Variants in ATP1A2 observed in about 807,000 individuals in gnomAD.
ATP1A2 encodes sodium/potassium-transporting ATPase subunit alpha-2.
A neutral mutation model predicts 113.1 loss-of-function variants in ATP1A2; 56 were observed. That is an observed-to-expected ratio of 0.49 (90% CI 0.40 to 0.62). The LOEUF is 0.62. Ranked by LOEUF, ATP1A2 falls within the 20% of genes least tolerant of loss-of-function variation. ATP1A2 has a pLI of 0.00. For synonymous variants in ATP1A2, 490 were observed against 526.8 expected (o/e 0.93, Z 0.96); for missense variants, 712 against 1,357.8 (o/e 0.52, Z 7.47).
chr1:160,135,396 AG>A lies in ATP1A2; in HGVS notation c.2116-34del, dbSNP rs1298538579. 6.2e-6 allele frequency: 10 copies of A among 1,614,020 alleles called. No homozygotes were observed. Among genetic ancestry groups the A allele is most frequent in the Non-Finnish European group, 8.5e-7 (1 of 1,180,022 alleles). ...GAGAGGCGAGGAGCCAGGCTTGGGA[AG>A]GGGTTTCGTCCTCAAGTGTGGCCGT... On this transcript the variant is annotated intron_variant, in intron 15 of 22. Transcript: ENST00000361216. This position sits in a 1 kb window ranked among gnomAD's most constrained non-coding sequence, Gnocchi z 6.3.
chr1:160,130,105 T>C lies in ATP1A2; in HGVS notation c.1465T>C (p.Ser489Pro). Residue 489 changes from serine to proline, a missense_variant, in exon 12 of 23, where the codon TCT becomes CCT. Physicochemically the swap from Ser to Pro is moderately conservative, Grantham distance 74. Coordinates refer to ENST00000361216, the MANE Select transcript of ATP1A2 (RefSeq NM_000702.4). The part of the protein sequence containing the change: ...PFNSTNKYQL[S>P]IHEREDSPQS... ...TAACTACCTGTTGTCTCTCCAGCTG[T>C]CTATCCACGAGCGAGAAGACAGCCC... 1 of 1,614,158 alleles carries C rather than the reference T, an allele frequency of 6.2e-7. No individual in the cohort carries two copies. The highest frequency in any genetic ancestry group is 8.5e-7 in the Non-Finnish European group (1 of 1,180,032).
chr1:160,128,588 G>A (rs749998749), intron 8 of ATP1A2, 64 bp from the exon 9 acceptor site: 1 of 1,611,682 alleles, frequency 6.2e-7, no homozygotes, highest in South Asian at 1.1e-5. Flanking sequence ...CACGGTCTAG[G>A]GTAAGGTTAT....
chr1:160,130,113 C>T lies in ATP1A2; in HGVS notation c.1473C>T (p.His491=), dbSNP rs768902765. 8.7e-6 allele frequency: 14 copies of T among 1,614,082 alleles called. No homozygotes were observed. The highest frequency in any genetic ancestry group is 3.3e-5 in the South Asian group (3 of 91,094). Residue 491 remains histidine, a synonymous_variant, in exon 12 of 23, where the codon CAC becomes CAT. Coordinates refer to ENST00000361216, the MANE Select transcript of ATP1A2 (RefSeq NM_000702.4). Reference sequence around the variant, plus strand: ...TGTTGTCTCTCCAGCTGTCTATCCACGAGCGAGAAGACAGCCCCCAGAGCC... The same window carrying T: ...TGTTGTCTCTCCAGCTGTCTATCCATGAGCGAGAAGACAGCCCCCAGAGCC... ...NSTNKYQLSI[H]EREDSPQSHV...
At chr1:160,130,347 C>T in intron 12 of ATP1A2, 56 bp downstream of exon 12, 1 of 1,614,096 alleles carries the variant, frequency 6.2e-7, no homozygotes, top group South Asian at 1.1e-5. Flanking sequence ...CTGCGGCATC[C>T]CTGGGGTGGG....
intron 7 of ATP1A2, 125 bp downstream of exon 7, chr1:160,125,378 G>T: frequency 1.1e-6 from 1 of 883,742 alleles, no homozygotes. Context: ...GAGGGGTCAG[G>T]GGGCCCTGAA....
rs748066442 is a variant in ATP1A2, at chr1:160,121,233, C to A, written c.159C>A (p.Tyr53Ter). The change falls in exon 3 of 23, where the codon TAC becomes TAA. Residue 53 changes from tyrosine (Y) to a stop codon, truncating the protein, a stop_gained. Coordinates refer to ENST00000361216, the MANE Select transcript of ATP1A2 (RefSeq NM_000702.4). LOFTEE classifies it high-confidence loss of function. ...CCTTGGATGAGCTGGGCCGCAAATA[C>A]CAAGTGGACCTGTCCAAGGTGAGTG... ...KLSLDELGRK[Y>*]QVDLSKGLTN... The A allele has an allele frequency of 1.2e-6, 2 of 1,614,096 alleles. No homozygotes were observed. The highest frequency in any genetic ancestry group is 1.7e-6 in the Non-Finnish European group (2 of 1,180,046).
At chr1:160,120,249 A>G (rs574754570) in intron 1 of ATP1A2, among the ~76,000 whole-genome samples, 1 of 152,018 alleles carries the variant, frequency 6.6e-6, no homozygotes, top group Non-Finnish European at 1.5e-5. Context: ...GAGGGCTCCC[A>G]GCACACCCCA....
rs748066442 is a variant in ATP1A2 at position 160,121,233 on chromosome 1, C to T, written c.159C>T (p.Tyr53=). ...KLSLDELGRK[Y]QVDLSKGLTN... ...CCTTGGATGAGCTGGGCCGCAAATACCAAGTGGACCTGTCCAAGGTGAGTG... is the reference window on the plus strand; with the variant it reads ...CCTTGGATGAGCTGGGCCGCAAATATCAAGTGGACCTGTCCAAGGTGAGTG... Residue 53 remains tyrosine (Y), a synonymous_variant, in exon 3 of 23, where the codon TAC becomes TAT. Transcript: ENST00000361216. 9 of 1,614,096 alleles carry T rather than the reference C, an allele frequency of 5.6e-6. No individual in the cohort carries two copies. The Admixed American group carries it at 8.3e-5, about 15-fold the overall frequency.
At chr1:160,139,422 C>T (rs115577668) in intron 20 of ATP1A2, among the ~76,000 whole-genome samples, 68 of 152,296 alleles carry the variant, frequency 4.5e-4, no homozygotes, top group African/African-American at 1.5e-3. Flanking sequence ...AATGAATATA[C>T]GTGCAATAGA....
chr1:160,123,470 A>G, intron 4 of ATP1A2, 54 bp downstream of exon 4: 1 of 1,609,024 alleles, frequency 6.2e-7, no homozygotes, highest in Non-Finnish European at 8.5e-7. Context: ...CCAACCCTGA[A>G]CCCCCAACAC....
In ATP1A2 at chr1:160,136,379, A is replaced by G. The variant is rs2101995933; in HGVS notation, c.2563+9A>G. 1 of 1,614,058 alleles carries G rather than the reference A, an allele frequency of 6.2e-7. No homozygotes were observed. The highest frequency in any genetic ancestry group is 8.5e-7 in the Non-Finnish European group (1 of 1,180,038). On this transcript the variant is annotated intron_variant, in intron 18 of 22. Coordinates refer to ENST00000361216, the MANE Select transcript of ATP1A2 (RefSeq NM_000702.4). ...GGCCTACGGACAGATCGGTGCGCCA[A>G]GCCCCGGGCCTCGGGAGGGAACCCC...
At chr1:160,122,426 A>AAG (rs1651443184) in intron 3 of ATP1A2, among the ~76,000 whole-genome samples, 1 of 151,940 alleles carries the variant, frequency 6.6e-6, no homozygotes, top group South Asian at 2.1e-4. Context: ...GAATGAAAAA[A>AAG]AAAAAAAAAG....
chr1:160,139,739 C>T lies in ATP1A2; in HGVS notation c.2940C>T (p.Leu980=). Residue 980 remains leucine (L), a splice_region_variant and synonymous_variant, in exon 21 of 23, where the codon CTC becomes CTT. Transcript: ENST00000361216. The part of the protein sequence containing the change: ...GMGVALRMYP[L]KVTWWFCAFP... ...GTGTAGCCCTCCGCATGTACCCGCT[C>T]AAGTGAGTGTCTCTTTCGGGCGGCC... 1 of 1,614,174 alleles carries T rather than the reference C, an allele frequency of 6.2e-7. No individual in the cohort carries two copies. Among genetic ancestry groups the T allele is most frequent in the Non-Finnish European group, 8.5e-7 (1 of 1,179,992 alleles).
At chr1:160,132,426 G>A (rs1406507516) in intron 13 of ATP1A2, among the ~76,000 whole-genome samples, 5 of 152,150 alleles carry the variant, frequency 3.3e-5, no homozygotes, top group Non-Finnish European at 2.9e-5. Context: ...CTGGAGTCAG[G>A]GAGAGACAGG....
At position 160,135,097 on chromosome 1, in the gene ATP1A2, G is replaced by A. The variant is rs1237556591; in HGVS notation, c.1965-48G>A. On this transcript the variant is annotated intron_variant, in intron 14 of 22. Transcript: ENST00000361216. The surrounding 1 kb of genome is among the most constrained non-coding windows in gnomAD (Gnocchi z 6.3). ...AGAGAGGCAGGGGGCAGGAGGGGCTGGTACAGGTGCCAGGGGTCAGCTGTC... is the reference window on the plus strand; with the variant it reads ...AGAGAGGCAGGGGGCAGGAGGGGCTAGTACAGGTGCCAGGGGTCAGCTGTC... 10 of 1,612,548 alleles carry A rather than the reference G, an allele frequency of 6.2e-6. No homozygotes were observed. The Middle Eastern group carries it at 5.0e-4, about 80-fold the overall frequency.
chr1:160,126,906 A>G (rs1651604943), intron 7 of ATP1A2, among the ~76,000 whole-genome samples: 1 of 152,228 alleles, frequency 6.6e-6, no homozygotes, highest in Admixed American at 6.5e-5. Flanking sequence ...GAAATAAATG[A>G]GATATTTGTT....
Position 160,135,067 on chromosome 1 carries a change from G to A in ATP1A2, c.1965-78G>A, listed in dbSNP as rs1408349879. 59 of 1,592,990 alleles carry A rather than the reference G, an allele frequency of 3.7e-5. No homozygotes were observed. Among genetic ancestry groups the A allele is most frequent in the Non-Finnish European group, 4.8e-5 (56 of 1,164,956 alleles). ...CAGCAGGGAGCCTGCAGGCTGCGGT[G>A]GTGAAGAGAGGCAGGGGGCAGGAGG... On this transcript the variant is annotated intron_variant, in intron 14 of 22. Coordinates refer to ENST00000361216, the MANE Select transcript of ATP1A2 (RefSeq NM_000702.4). The surrounding 1 kb of genome is among the most constrained non-coding windows in gnomAD (Gnocchi z 6.3).
chr1:160,135,056 C>T lies in ATP1A2; in HGVS notation c.1965-89C>T. On this transcript the variant is annotated intron_variant, in intron 14 of 22. Coordinates refer to ENST00000361216, the MANE Select transcript of ATP1A2 (RefSeq NM_000702.4). This position sits in a 1 kb window ranked among gnomAD's most constrained non-coding sequence, Gnocchi z 6.3. ...GGAAGCAGGCTCAGCAGGGAGCCTG[C>T]AGGCTGCGGTGGTGAAGAGAGGCAG... is the stretch of plus-strand genomic sequence containing the variant. The T allele has an allele frequency of 1.3e-6, 2 of 1,562,054 alleles. No individual in the cohort carries two copies. Among genetic ancestry groups the T allele is most frequent in the Non-Finnish European group, 8.8e-7 (1 of 1,139,886 alleles).
Position 160,127,427 on chromosome 1 carries a change from T to C in ATP1A2, c.749-125T>C, listed in dbSNP as rs1651619393. ...CCAAGTGGGGACAACCTACTGAATG[T>C]GGCCTCCAGATCTGCGGCTTTGGCT... On this transcript the variant is annotated intron_variant, in intron 7 of 22. Transcript: ENST00000361216. The C allele has an allele frequency of 3.0e-6, 4 of 1,353,584 alleles. No homozygotes were observed. In the Admixed American group the frequency reaches 5.8e-5, roughly 20 times the overall value. 83.8% of individuals were successfully genotyped at this position (1,353,584 alleles called of 1,614,324 possible). A position where few individuals can be genotyped will look rare whatever the true frequency, so the allele number is the denominator to read the frequency against.
Sources: allele counts gnomAD v4.1 joint callset (sites outside exome capture counted in the v4.1 genomes callset), GRCh38; gene constraint gnomAD v4.1.1; non-coding constraint Gnocchi (gnomAD v3.1); transcripts MANE v1.5; gene names NCBI Gene and HGNC (gene_info 2026-07-23, HGNC 2026-07-21).